The following ERBB4 variants were observed in gnomAD, a reference collection of about 807,000 sequenced individuals.
ERBB4 encodes erb-b2 receptor tyrosine kinase 4, also known as receptor tyrosine-protein kinase erbB-4.
ERBB4 carries 42 observed loss-of-function variants against 158.0 expected under a neutral mutation model. The ratio of observed to expected loss-of-function variants is 0.27; its 90% CI spans 0.21 to 0.34. The LOEUF is 0.34. Among genes scored for constraint, ERBB4 ranks in the 10% least tolerant of loss-of-function variants. ERBB4 has a pLI of 1.00. For synonymous variants in ERBB4, 583 were observed against 558.7 expected, an observed-to-expected ratio of 1.04 and a Z score of -0.61; for missense variants, 1,333 against 1,624.1, an observed-to-expected ratio of 0.82 and a Z score of 3.08.
chr2:211,720,637 T>G (rs1024867694), intron 7 of ERBB4, among the ~76,000 whole-genome samples: 2 of 152,202 alleles, frequency 1.3e-5, no homozygotes, highest in Non-Finnish European at 2.9e-5. Flanking sequence ...ATCTACATGC[T>G]GAAAAATCCA....
In ERBB4 at chr2:211,632,663, C is replaced by T. The variant is rs1186429668; in HGVS notation, c.1947-2069G>A. 2.0e-5 allele frequency among the ~76,000 whole-genome samples: 3 copies of T among 151,838 alleles called. 1 individual carries two copies. Among genetic ancestry groups the T allele is most frequent in the African/African-American group, 7.3e-5 (3 of 41,358 alleles). ...TTGTTATTTTTTAAGAACAAACTTC[C>T]AGGAGAAGAAACTAATACCTCTCTT... On this transcript the variant is annotated intron_variant, in intron 16 of 27. Transcript: ENST00000342788.
intron 1 of ERBB4, among the ~76,000 whole-genome samples, chr2:212,395,647 G>A (rs1164425496): frequency 1.6e-5 from 2 of 124,088 alleles, no homozygotes; most frequent in East Asian, 4.6e-4. Context: ...TTGAGATGGA[G>A]TCTCGCTCTG....
chr2:211,508,665 T>C (rs1364801980), intron 20 of ERBB4, among the ~76,000 whole-genome samples: 3 of 152,110 alleles, frequency 2.0e-5, no homozygotes, highest in Admixed American at 6.5e-5. Flanking sequence ...TACTATAAAG[T>C]CACATGCACA....
intron 3 of ERBB4, among the ~76,000 whole-genome samples, chr2:211,943,683 C>T (rs1234994915): frequency 6.6e-6 from 1 of 152,038 alleles, no homozygotes; most frequent in African/African-American, 2.4e-5. Flanking sequence ...TTATCATCTA[C>T]CCTGTGCATA....
chr2:211,644,674 C>T (rs935849638), intron 16 of ERBB4, among the ~76,000 whole-genome samples: 3 of 151,966 alleles, frequency 2.0e-5, no homozygotes, highest in African/African-American at 4.8e-5. Context: ...ATACTATTAA[C>T]AATCAGCCAT....
At chr2:211,559,973 G>A (rs1349849023) in intron 20 of ERBB4, among the ~76,000 whole-genome samples, 1 of 152,158 alleles carries the variant, frequency 6.6e-6, no homozygotes, top group Non-Finnish European at 1.5e-5. Context: ...GAGAAGGGTT[G>A]ACTAGGAAAG....
At chr2:212,498,237 G>T (rs1239626081) in intron 1 of ERBB4, among the ~76,000 whole-genome samples, 1 of 151,890 alleles carries the variant, frequency 6.6e-6, no homozygotes, top group Non-Finnish European at 1.5e-5. Flanking sequence ...TGAACCTCCA[G>T]TCTTTCAAAT....
At chr2:212,028,667 G>T (rs2076831082) in intron 2 of ERBB4, among the ~76,000 whole-genome samples, 2 of 152,030 alleles carry the variant, frequency 1.3e-5, no homozygotes, top group African/African-American at 4.8e-5. Context: ...TTTCCCTTTA[G>T]TTCCCTGGAT....
intron 1 of ERBB4, among the ~76,000 whole-genome samples, chr2:212,198,116 A>G (rs1481500373): frequency 2.6e-5 from 4 of 152,198 alleles, no homozygotes; most frequent in Admixed American, 2.0e-4. Context: ...AATATTCACT[A>G]TCATAAGGGA....
intron 1 of ERBB4, among the ~76,000 whole-genome samples, chr2:212,422,917 T>TTC (rs2091828577): frequency 1.3e-5 from 2 of 152,172 alleles, no homozygotes; most frequent in Admixed American, 1.3e-4. Flanking sequence ...CAATGGGAAG[T>TTC]ATATATCAGT....
At chr2:211,610,204 TAG>T (rs1158239098) in intron 19 of ERBB4, among the ~76,000 whole-genome samples, 1 of 152,142 alleles carries the variant, frequency 6.6e-6, no homozygotes, top group Admixed American at 6.6e-5. Flanking sequence ...GTCTTTTTAT[TAG>T]ACTTATTAGA....
At chr2:212,344,529 TATATATACACACAC>T (rs1307143099) in intron 1 of ERBB4, among the ~76,000 whole-genome samples, 2 of 152,064 alleles carry the variant, frequency 1.3e-5, no homozygotes, top group Non-Finnish European at 2.9e-5. Flanking sequence ...TATGTGTGTA[TATATATACACACAC>T]ATAGCGAAGT....
intron 2 of ERBB4, among the ~76,000 whole-genome samples, chr2:212,058,249 G>A (rs2125413314): frequency 6.6e-6 from 1 of 152,278 alleles, no homozygotes; most frequent in African/African-American, 2.4e-5. Context: ...GGAAGAAGTT[G>A]AATCTCTGAA....
intron 5 of ERBB4, among the ~76,000 whole-genome samples, chr2:211,727,233 C>A (rs943197712): frequency 7.2e-5 from 11 of 152,094 alleles, no homozygotes; most frequent in African/African-American, 2.7e-4. Flanking sequence ...TTAGTACCCA[C>A]CTAATAGGAT....
chr2:212,519,850 T>C (rs756156163), intron 1 of ERBB4, among the ~76,000 whole-genome samples: 4 of 151,940 alleles, frequency 2.6e-5, no homozygotes, highest in Non-Finnish European at 5.9e-5. Flanking sequence ...TAGTGTTCTG[T>C]AGCAATGCAG....
intron 1 of ERBB4, among the ~76,000 whole-genome samples, chr2:212,502,275 C>G (rs10178298): frequency 0.13 from 19,601 of 152,084 alleles, 1,337 homozygotes; most frequent in Non-Finnish European, 0.15. Flanking sequence ...TATTAAGAAT[C>G]ATCATAGAAA....
intron 1 of ERBB4, among the ~76,000 whole-genome samples, chr2:212,222,473 T>C (rs2083324367): frequency 6.6e-6 from 1 of 151,580 alleles, no homozygotes; most frequent in Non-Finnish European, 1.5e-5. Context: ...CTTGCTTAAG[T>C]TATCAATGAC....
chr2:211,563,516 T>C (rs1374503596), intron 19 of ERBB4, among the ~76,000 whole-genome samples: 1 of 152,200 alleles, frequency 6.6e-6, no homozygotes, highest in East Asian at 1.9e-4. Flanking sequence ...TAACATTTAT[T>C]ACAGAAATAG....
At chr2:212,195,452 T>G (rs1343234885) in intron 1 of ERBB4, among the ~76,000 whole-genome samples, 1 of 151,540 alleles carries the variant, frequency 6.6e-6, no homozygotes, top group South Asian at 2.1e-4. Context: ...TTTAAAACTA[T>G]TTTTAATTAG....
Sources: allele counts gnomAD v4.1 joint callset (sites outside exome capture counted in the v4.1 genomes callset), GRCh38; gene constraint gnomAD v4.1.1; transcripts MANE v1.5; gene names NCBI Gene and HGNC (gene_info 2026-07-23, HGNC 2026-07-21).